The following SUGCT variants were observed in gnomAD, a reference collection of about 807,000 sequenced individuals.
SUGCT encodes succinyl-CoA:glutarate-CoA transferase, also known as succinyl-CoA:glutarate CoA-transferase.
In SUGCT, 41 loss-of-function variants were observed where a neutral mutation model predicts 55.0. The observed-to-expected ratio is 0.74, with a 90% CI of 0.58 to 0.97. The LOEUF (loss-of-function observed/expected upper bound fraction) is 0.97, where lower values mean the gene tolerates loss of function less well. Among genes scored for constraint, SUGCT ranks in the 50% least tolerant of loss-of-function variants. The pLI is 0.00. For missense variants in SUGCT, 568 were observed against 547.8 expected, an observed-to-expected ratio of 1.04 and a Z score of -0.37; for synonymous variants, 187 against 200.4, an observed-to-expected ratio of 0.93 and a Z score of 0.56.
At chr7:40,540,901 C>A (rs1341311148) in intron 12 of SUGCT, among the ~76,000 whole-genome samples, 1 of 152,168 alleles carries the variant, frequency 6.6e-6, no homozygotes, top group African/African-American at 2.4e-5. Flanking sequence ...ATGGGTTTGG[C>A]AAGAAGAGAG....
chr7:40,898,142 C>T, the SUGCT span, among the ~76,000 whole-genome samples: 5 of 151,406 alleles, frequency 3.3e-5, no homozygotes, highest in Admixed American at 1.3e-4. Context: ...GCAAGACCAC[C>T]AGCTCACCAG....
chr7:40,494,887 A>G (rs1791885604), intron 11 of SUGCT, among the ~76,000 whole-genome samples: 1 of 151,506 alleles, frequency 6.6e-6, no homozygotes, highest in Admixed American at 6.6e-5. Flanking sequence ...AGTGTACTTC[A>G]GTATTGAAAT....
chr7:40,831,361 T>C (rs999144293), intron 13 of SUGCT, among the ~76,000 whole-genome samples: 4 of 152,152 alleles, frequency 2.6e-5, no homozygotes, highest in African/African-American at 9.7e-5. Context: ...AGAGGAGCAA[T>C]AGCCTTCATG....
chr7:40,731,232 C>T (rs113894850), intron 12 of SUGCT, among the ~76,000 whole-genome samples: 6 of 152,232 alleles, frequency 3.9e-5, no homozygotes, highest in Non-Finnish European at 5.9e-5. Flanking sequence ...ATTATCTTAA[C>T]GAGGCTACAT....
chr7:40,646,456 T>G (rs1800516974), intron 12 of SUGCT, among the ~76,000 whole-genome samples: 1 of 152,366 alleles, frequency 6.6e-6, no homozygotes, highest in Non-Finnish European at 1.5e-5. Flanking sequence ...CACTTCTTCC[T>G]GTGTCCTACA....
At chr7:40,797,536 A>G (rs1256507368) in intron 13 of SUGCT, among the ~76,000 whole-genome samples, 2 of 152,034 alleles carry the variant, frequency 1.3e-5, no homozygotes, top group Non-Finnish European at 2.9e-5. Flanking sequence ...GGTCAACAGA[A>G]CTCTCAGTTC....
At chr7:40,523,620 T>C (rs1054124940) in intron 12 of SUGCT, among the ~76,000 whole-genome samples, 11 of 152,050 alleles carry the variant, frequency 7.2e-5, no homozygotes, top group African/African-American at 2.2e-4. Context: ...TAAGGTCCCA[T>C]TGAAGGTTCT....
intron 9 of SUGCT, among the ~76,000 whole-genome samples, chr7:40,367,893 C>A (rs774892291): frequency 6.6e-6 from 1 of 152,298 alleles, no homozygotes; most frequent in South Asian, 2.1e-4. Flanking sequence ...CATCTGTCCT[C>A]ACAGCCTCTC....
intron 9 of SUGCT, among the ~76,000 whole-genome samples, chr7:40,385,979 A>G (rs1264158024): frequency 6.6e-6 from 1 of 152,250 alleles, no homozygotes; most frequent in Non-Finnish European, 1.5e-5. Context: ...TAAATAAAAT[A>G]GCTTAAAAAT....
chr7:40,682,690 G>T (rs529274228), intron 12 of SUGCT, among the ~76,000 whole-genome samples: 1 of 151,952 alleles, frequency 6.6e-6, no homozygotes, highest in African/African-American at 2.4e-5. Flanking sequence ...GTCTATTAAG[G>T]TTTCATAGAA....
At chr7:40,226,164 G>A (rs1026296198) in intron 6 of SUGCT, among the ~76,000 whole-genome samples, 5 of 152,088 alleles carry the variant, frequency 3.3e-5, no homozygotes, top group Admixed American at 6.6e-5. Context: ...GGTTGGTTTT[G>A]GAATCTTGCA....
intron 11 of SUGCT, among the ~76,000 whole-genome samples, chr7:40,467,986 C>CCTT (rs1489590123): frequency 7.7e-6 from 1 of 129,720 alleles, no homozygotes; most frequent in Non-Finnish European, 1.6e-5. Context: ...TTTTTTTTAA[C>CCTT]TAAAAGAGTA....
At chr7:40,807,355 C>T (rs867276832) in intron 13 of SUGCT, among the ~76,000 whole-genome samples, 5 of 152,122 alleles carry the variant, frequency 3.3e-5, no homozygotes, top group East Asian at 1.9e-4. Context: ...GAAATTTTGA[C>T]GTGAGGTCTC....
intron 6 of SUGCT, among the ~76,000 whole-genome samples, chr7:40,205,380 G>A (rs190701379): frequency 1.1e-3 from 163 of 152,014 alleles, no homozygotes; most frequent in African/African-American, 3.7e-3. Flanking sequence ...GGTGGCTCAC[G>A]CCTGTAATCC....
At chr7:40,620,006 G>C (rs890700446) in intron 12 of SUGCT, among the ~76,000 whole-genome samples, 5 of 152,166 alleles carry the variant, frequency 3.3e-5, no homozygotes, top group Admixed American at 1.3e-4. Context: ...GAAATTGTTT[G>C]ATACTGCCAG....
At chr7:40,942,555 CA>C in the SUGCT span, among the ~76,000 whole-genome samples, 2 of 152,042 alleles carry the variant, frequency 1.3e-5, no homozygotes, top group African/African-American at 4.8e-5. Flanking sequence ...ATTCTTTTTG[CA>C]ATGAATATCT....
chr7:40,185,437 C>T (rs187894939), intron 3 of SUGCT, among the ~76,000 whole-genome samples: 529 of 152,300 alleles, frequency 3.5e-3, no homozygotes, highest in Non-Finnish European at 5.3e-3. Flanking sequence ...GGAAACTAAA[C>T]CACAACAGAT....
At chr7:40,260,959 CA>C (rs1322399210) in intron 7 of SUGCT, among the ~76,000 whole-genome samples, 1 of 152,114 alleles carries the variant, frequency 6.6e-6, no homozygotes, top group East Asian at 1.9e-4. Flanking sequence ...TTTATTAAAG[CA>C]AGGAACCCCA....
intron 9 of SUGCT, among the ~76,000 whole-genome samples, chr7:40,431,383 C>T (rs190310025): frequency 3.3e-5 from 5 of 152,148 alleles, no homozygotes; most frequent in Non-Finnish European, 7.4e-5. Context: ...GATGCTTCCA[C>T]CTTTGTTTTC....
Sources: gnomAD v4.1 joint callset for allele counts (sites outside exome capture counted in the v4.1 genomes callset) on GRCh38, gnomAD v4.1.1 for gene constraint, MANE v1.5 for transcripts, NCBI Gene and HGNC (gene_info 2026-07-23, HGNC 2026-07-21) for gene names.